The following ZBTB37 variants were observed in gnomAD, a reference collection of about 807,000 sequenced individuals.
The protein encoded by ZBTB37 is zinc finger and BTB domain-containing protein 37.
Under a neutral mutation model 37.7 loss-of-function variants are expected in ZBTB37, and 15 were observed. The ratio of observed to expected loss-of-function variants is 0.40; its 90% CI spans 0.27 to 0.61. The LOEUF (loss-of-function observed/expected upper bound fraction) is 0.61, where lower values mean the gene tolerates loss of function less well. Ranked by LOEUF, ZBTB37 falls within the 20% of genes least tolerant of loss-of-function variation. The pLI, the probability that ZBTB37 is intolerant of heterozygous loss-of-function variation, is 0.44. For missense variants in ZBTB37, 514 were observed against 641.9 expected (o/e 0.80, Z 2.15); for synonymous variants, 231 against 220.6 (o/e 1.05, Z -0.42).
chr1:173,882,603 T>C (rs1267728880), intron 4 of ZBTB37, among the ~76,000 whole-genome samples: 1 of 152,252 alleles, frequency 6.6e-6, no homozygotes, highest in African/African-American at 2.4e-5. Context: ...TTTGTCTATT[T>C]TGGCTTTTGT....
At position 173,894,185 on chromosome 1, in the gene ZBTB37, G is replaced by A. The variant is rs574729474; in HGVS notation, c.*8061G>A. The A allele has an allele frequency of 2.0e-5, 3 of 152,314 alleles. No individual in the cohort carries two copies. In the South Asian group the frequency reaches 6.2e-4, roughly 32 times the overall value. 9.4% of individuals were successfully genotyped at this position (152,314 alleles called of 1,614,324 possible). A position where few individuals can be genotyped will look rare whatever the true frequency, so the allele number is the denominator to read the frequency against. ...CCCGTGTGGTTAGGTCTAATAGTGA[G>A]TGAGGTACTATCAAGGCAAAAATTG... On this transcript the variant is annotated 3_prime_UTR_variant, in exon 4 of 4. Transcript: ENST00000367701.
chr1:173,870,157 AAATTAT>A, intron 2 of ZBTB37, 37 bp from the exon 3 acceptor site: 1 of 1,329,496 alleles, frequency 7.5e-7, no homozygotes, highest in East Asian at 2.6e-5. Context: ...CCGGGAAGTA[AAATTAT>A]AATTATTAAT....
exon 4 of ZBTB37, chr1:173,893,419 C>G (rs574000305): frequency 3.9e-5 from 6 of 152,262 alleles, no homozygotes; most frequent in African/African-American, 1.2e-4. Context: ...TGATACCAGA[C>G]AACATGCTTG....
chr1:173,875,116 ATGTGTGTGTGTGTGTGTGTGTGTG>A lies in ZBTB37; in HGVS notation c.1023+1571_1023+1594del, dbSNP rs71111072. On this transcript the variant is annotated intron_variant, in intron 4 of 4. Transcript: ENST00000427304. The stretch of plus-strand genomic sequence containing the variant: ...ACCTGGAATCGAAAGTCTGATTATT[ATGTGTGTGTGTGTGTGTGTGTGTG>A]TGTGTGTGTGTGTGTGTGTGCACGT... Among the ~76,000 whole-genome samples the A allele has an allele frequency of 1.9e-3, 255 of 137,120 alleles. 1 individual carries two copies. The highest frequency in any genetic ancestry group is 6.2e-3 in the African/African-American group (232 of 37,720). The allele number at this position is 137,120 out of a possible 152,430, so 90.0% of individuals were successfully genotyped here.
chr1:173,897,242 C>T (rs375936804), exon 4 of ZBTB37: 6 of 152,128 alleles, frequency 3.9e-5, no homozygotes, highest in African/African-American at 1.4e-4. Flanking sequence ...TTAGCTGTAT[C>T]ATTAATTCTA....
exon 3 of ZBTB37, chr1:173,870,303 C>T (rs1231721071): frequency 6.2e-7 from 1 of 1,614,210 alleles, no homozygotes; most frequent in South Asian, 1.1e-5. Flanking sequence ...ACCAGTTGCG[C>T]ATGCAGGGCC....
chr1:173,886,751 A>G (rs1045762398), downstream of ZBTB37: 1 of 152,876 alleles, frequency 6.5e-6, no homozygotes, highest in Admixed American at 6.5e-5. Flanking sequence ...TTGAAGCAGT[A>G]TTCTAGTGGA....
exon 4 of ZBTB37, chr1:173,899,593 A>C (rs1244162519): frequency 1.3e-5 from 2 of 152,164 alleles, no homozygotes; most frequent in Non-Finnish European, 2.9e-5. Context: ...CCAGTTCTTC[A>C]TATTGGTTGC....
chr1:173,882,328 G>A (rs1241099598), intron 4 of ZBTB37, among the ~76,000 whole-genome samples: 1 of 139,396 alleles, frequency 7.2e-6, no homozygotes, highest in Non-Finnish European at 1.5e-5. Flanking sequence ...TGCAAGCTCT[G>A]CCTCCCAGGT....
At chr1:173,877,396 T>C (rs1295100270) in intron 4 of ZBTB37, among the ~76,000 whole-genome samples, 20 of 139,880 alleles carry the variant, frequency 1.4e-4, no homozygotes, top group African/African-American at 5.0e-4. Context: ...TTTTTTTTTT[T>C]TCCGAGACAG....
chr1:173,886,078 C>T, exon 5 of ZBTB37: 1 of 1,551,674 alleles, frequency 6.4e-7, no homozygotes, highest in Non-Finnish European at 8.7e-7. Flanking sequence ...ACAGTTGCTC[C>T]TGGGGAAGCT....
At chr1:173,885,904 G>A in exon 5 of ZBTB37, 1 of 1,551,862 alleles carries the variant, frequency 6.4e-7, no homozygotes, top group Non-Finnish European at 8.7e-7. Context: ...CCCTTTCACT[G>A]TCATGTCTGT....
chr1:173,875,317 C>CATATAT (rs1156598476), intron 4 of ZBTB37, among the ~76,000 whole-genome samples: 65 of 122,024 alleles, frequency 5.3e-4, no homozygotes, highest in Middle Eastern at 4.0e-3. Context: ...TATATGTGTG[C>CATATAT]ATATATATAT....
intron 4 of ZBTB37, among the ~76,000 whole-genome samples, chr1:173,875,808 C>T (rs1035750519): frequency 9.2e-5 from 14 of 152,014 alleles, no homozygotes; most frequent in African/African-American, 3.4e-4. Context: ...ATGCGCACTA[C>T]CATGCCCAGC....
intron 4 of ZBTB37, among the ~76,000 whole-genome samples, chr1:173,882,995 A>G (rs1656421560): frequency 6.6e-6 from 1 of 152,248 alleles, no homozygotes; most frequent in Non-Finnish European, 1.5e-5. Flanking sequence ...TGCTATTACT[A>G]TATTCACTTT....
At chr1:173,875,382 G>C (rs916393931) in intron 4 of ZBTB37, among the ~76,000 whole-genome samples, 2 of 149,498 alleles carry the variant, frequency 1.3e-5, no homozygotes, top group African/African-American at 4.9e-5. Context: ...CTGGAGTGCA[G>C]TGGTGTGATC....
downstream of ZBTB37, chr1:173,887,249 G>A (rs558617699): frequency 1.3e-5 from 2 of 152,198 alleles, no homozygotes; most frequent in African/African-American, 4.8e-5. Context: ...TTATACATAT[G>A]TAATAGTTTA....
exon 4 of ZBTB37, chr1:173,895,385 G>A (rs1014213747): frequency 1.3e-5 from 2 of 152,168 alleles, no homozygotes; most frequent in African/African-American, 4.8e-5. Context: ...TTACAGGCAT[G>A]AGCCAACGTG....
intron 4 of ZBTB37, among the ~76,000 whole-genome samples, chr1:173,883,920 A>G (rs1656474453): frequency 6.6e-6 from 1 of 152,172 alleles, no homozygotes; most frequent in Non-Finnish European, 1.5e-5. Flanking sequence ...ATTGCTAACT[A>G]GATGAATCTT....
Sources: allele counts gnomAD v4.1 joint callset (sites outside exome capture counted in the v4.1 genomes callset), GRCh38; gene constraint gnomAD v4.1.1; transcripts MANE v1.5; gene names NCBI Gene and HGNC (gene_info 2026-07-23, HGNC 2026-07-21).